Variants in NQO2 observed in about 807,000 individuals in gnomAD.
NQO2 encodes the protein N-ribosyldihydronicotinamide:quinone dehydrogenase 2.
In NQO2, 18 loss-of-function variants were observed where a neutral mutation model predicts 22.0. The ratio of observed to expected loss-of-function variants is 0.82; its 90% CI spans 0.56 to 1.21. NQO2 has a LOEUF of 1.21. Among genes scored for constraint, NQO2 ranks in the 50% most tolerant of loss-of-function variants. The probability of loss-of-function intolerance (pLI) is 0.00; values close to 1 mark genes in which losing one functional copy is unlikely to be tolerated. For synonymous variants in NQO2, 106 were observed against 110.8 expected (o/e 0.96, Z 0.28); for missense variants, 267 against 286.9 (o/e 0.93, Z 0.50).
At chr6:3,007,137 G>C (rs1756978442) in intron 2 of NQO2, among the ~76,000 whole-genome samples, 1 of 151,854 alleles carries the variant, frequency 6.6e-6, no homozygotes, top group Non-Finnish European at 1.5e-5. Flanking sequence ...TGACATTCTG[G>C]GCCAGATAAT....
chr6:3,009,932 T>G (rs911596549), intron 2 of NQO2, 93 bp from the exon 3 acceptor site: 2 of 1,492,622 alleles, frequency 1.3e-6, no homozygotes, highest in African/African-American at 2.8e-5. Context: ...ATTACTATGA[T>G]GCACCTGAAC....
intron 6 of NQO2, among the ~76,000 whole-genome samples, chr6:3,018,392 C>G (rs939359795): frequency 6.6e-6 from 1 of 152,190 alleles, no homozygotes; most frequent in African/African-American, 2.4e-5. Context: ...GTAGTCCCAG[C>G]TACTTGGGAG....
chr6:3,005,621 T>C (rs1756924984), intron 1 of NQO2: 3 of 984,268 alleles, frequency 3.0e-6, no homozygotes, highest in Non-Finnish European at 3.6e-6. Context: ...ATCTGAGCTG[T>C]TTTTTTATGG....
intron 1 of NQO2, chr6:3,005,873 C>A: frequency 1.1e-6 from 1 of 911,844 alleles, no homozygotes; most frequent in Non-Finnish European, 1.3e-6. Context: ...TGCTGCAGGG[C>A]CCACAGCTAC....
At chr6:3,019,184 A>G (rs1471631071) in intron 6 of NQO2, among the ~76,000 whole-genome samples, 1 of 152,170 alleles carries the variant, frequency 6.6e-6, no homozygotes, top group East Asian at 1.9e-4. Context: ...AATTTGCCCA[A>G]TCAAGCAGAA....
At chr6:3,016,705 C>T (rs923527032) in intron 5 of NQO2, 179 bp from the exon 6 acceptor site, 30 of 963,444 alleles carry the variant, frequency 3.1e-5, no homozygotes, top group Non-Finnish European at 3.5e-5. Flanking sequence ...TGGATTGTCT[C>T]CTCCTCCTCT....
At chr6:3,010,293 A>G (rs1171101344) in intron 3 of NQO2, 104 bp downstream of exon 3, 10 of 1,024,138 alleles carry the variant, frequency 9.8e-6, no homozygotes, top group South Asian at 5.4e-5. Context: ...GAAGCAAGCT[A>G]GCTTCACTTT....
In NQO2 at chr6:3,019,666, C is replaced by G; in HGVS notation, c.*11C>G. 1 of 1,592,962 alleles carries G rather than the reference C, an allele frequency of 6.3e-7. No individual in the cohort carries two copies. The highest frequency in any genetic ancestry group is 1.1e-5 in the South Asian group (1 of 89,442). On this transcript the variant is annotated 3_prime_UTR_variant, in exon 7 of 7. Transcript: ENST00000380455. ...CACTTCGGGCAATAACTCTGTGGCA[C>G]GTGGGCATCACGTAAGCAGCACACT...
At chr6:3,017,568 G>A (rs1757377882) in intron 6 of NQO2, among the ~76,000 whole-genome samples, 1 of 152,206 alleles carries the variant, frequency 6.6e-6, no homozygotes, top group Non-Finnish European at 1.5e-5. Context: ...ACCTCTTGGT[G>A]CCTGCGTGAG....
chr6:3,011,916 A>C (rs937542242), intron 3 of NQO2, among the ~76,000 whole-genome samples: 3 of 152,230 alleles, frequency 2.0e-5, no homozygotes, highest in African/African-American at 7.2e-5. Context: ...CCCACCTTAC[A>C]AGAAATGCTA....
In NQO2 at chr6:3,006,618, A is replaced by G; in HGVS notation, c.7+59A>G. 6.6e-7 allele frequency: 1 copy of G among 1,523,698 alleles called. No homozygotes were observed. The highest frequency in any genetic ancestry group is 8.8e-7 in the Non-Finnish European group (1 of 1,131,766). 94.4% of individuals were successfully genotyped at this position (1,523,698 alleles called of 1,614,324 possible). On this transcript the variant is annotated intron_variant, in intron 2 of 6. Transcript: ENST00000380455. The surrounding 1 kb of genome is among the most constrained non-coding windows in gnomAD (Gnocchi z 4.0). Reference sequence around the variant, plus strand: ...TTTTTTTGAGATGGGATTTTGTTGTATTGCCCAGGCTGGTCTCAAACTCCT... The same window carrying G: ...TTTTTTTGAGATGGGATTTTGTTGTGTTGCCCAGGCTGGTCTCAAACTCCT...
rs537013649 is a variant in NQO2, at chr6:3,014,427, G to A, written c.304-1103G>A. ...ATGACGGGCCTGTATCCTGGGGTGC[G>A]TGGTCCCAGCAGAGCCACGCTGAGC... On this transcript the variant is annotated intron_variant, in intron 4 of 6. Coordinates refer to ENST00000380455, the MANE Select transcript of NQO2 (RefSeq NM_000904.6). Among the ~76,000 whole-genome samples, 19 of 152,230 alleles carry A rather than the reference G, an allele frequency of 1.2e-4. No homozygotes were observed. The South Asian group carries it at 2.9e-3, about 23-fold the overall frequency.
At chr6:3,000,783 C>T (rs1043023769) in intron 1 of NQO2, among the ~76,000 whole-genome samples, 28 of 151,870 alleles carry the variant, frequency 1.8e-4, no homozygotes, top group Non-Finnish European at 3.5e-4. Context: ...GTGATCCGCC[C>T]GCCTGGGCCT....
At chr6:3,009,818 G>A (rs1757081464) in intron 2 of NQO2, 5 of 502,738 alleles carry the variant, frequency 9.9e-6, no homozygotes, top group Non-Finnish European at 1.3e-5. Context: ...AGTGAGCTGA[G>A]ATCATGCCAC....
In NQO2 at chr6:3,016,937, G is replaced by A. The variant is rs146283071; in HGVS notation, c.471G>A (p.Thr157=). The change falls in exon 6 of 7, where the codon ACG becomes ACA. Residue 157 remains threonine, a synonymous_variant. Coordinates refer to ENST00000380455, the MANE Select transcript of NQO2 (RefSeq NM_000904.6). ...CGGGAGGCACGGCCGAGATGTACACGAAGACAGGAGTCAATGGAGATTCTC... is the reference window on the plus strand; with the variant it reads ...CGGGAGGCACGGCCGAGATGTACACAAAGACAGGAGTCAATGGAGATTCTC... ...VTTGGTAEMY[T]KTGVNGDSRY... is the part of the protein sequence containing the mutation. The A allele has an allele frequency of 1.1e-5, 18 of 1,614,064 alleles. No individual in the cohort carries two copies. Among genetic ancestry groups the A allele is most frequent in the African/African-American group, 9.3e-5 (7 of 75,038 alleles).
chr6:3,019,282 A>C, intron 6 of NQO2, 197 bp from the exon 7 acceptor site: 2 of 882,940 alleles, frequency 2.3e-6, no homozygotes, highest in African/African-American at 1.8e-5. Flanking sequence ...AACTGCCCCA[A>C]GTTCTTCACG....
At chr6:3,002,074 C>T (rs577823288) in intron 1 of NQO2, 22 of 305,318 alleles carry the variant, frequency 7.2e-5, no homozygotes, top group African/African-American at 5.0e-4. Flanking sequence ...AAGTCACAAA[C>T]TCACATGCCA....
At chr6:3,015,136 A>T (rs912877966) in intron 4 of NQO2, 59 of 1,299,290 alleles carry the variant, frequency 4.5e-5, no homozygotes, top group Non-Finnish European at 5.8e-5. Flanking sequence ...ACTCAGTCTG[A>T]CTTCCAGATG....
chr6:3,010,900 G>A (rs73718913), intron 3 of NQO2, among the ~76,000 whole-genome samples: 5,648 of 151,722 alleles, frequency 0.037, 121 homozygotes, highest in African/African-American at 0.055. Context: ...TGAGGCAAAC[G>A]TGGGCATAAA....
Sources: gnomAD v4.1 joint callset for allele counts (sites outside exome capture counted in the v4.1 genomes callset) on GRCh38, gnomAD v4.1.1 for gene constraint, Gnocchi (gnomAD v3.1) non-coding constraint, MANE v1.5 for transcripts, NCBI Gene and HGNC (gene_info 2026-07-23, HGNC 2026-07-21) for gene names.